C12orf42: variants seen among roughly 807,000 people sequenced by gnomAD.
C12orf42 encodes the protein uncharacterized protein C12orf42.
In C12orf42, 25 loss-of-function variants were observed where a neutral mutation model predicts 21.6. That is an observed-to-expected ratio of 1.16 (90% CI 0.84 to 1.62). The LOEUF (loss-of-function observed/expected upper bound fraction) is 1.62. Among genes scored for constraint, C12orf42 ranks in the 40% most tolerant of loss-of-function variants. The pLI, the probability that C12orf42 is intolerant of heterozygous loss-of-function variation, is 0.00. For synonymous variants in C12orf42, 174 were observed against 175.0 expected (o/e 0.99, Z 0.05); for missense variants, 483 against 459.3 (o/e 1.05, Z -0.47).
chr12:103,072,781 A>G, the C12orf42 span, among the ~76,000 whole-genome samples: 1 of 152,080 alleles, frequency 6.6e-6, no homozygotes, highest in African/African-American at 2.4e-5. Flanking sequence ...TTGTTTTTTG[A>G]CTTTTTAATA....
chr12:103,540,895 C>G, the C12orf42 span, among the ~76,000 whole-genome samples: 1 of 150,162 alleles, frequency 6.7e-6, no homozygotes, highest in African/African-American at 2.4e-5. Flanking sequence ...AATGAATTTT[C>G]TTTCTTTCTT....
At chr12:103,076,106 A>T in the C12orf42 span, among the ~76,000 whole-genome samples, 2 of 152,102 alleles carry the variant, frequency 1.3e-5, no homozygotes, top group Non-Finnish European at 2.9e-5. Flanking sequence ...GAGGGATAGT[A>T]TTAGAAGAAA....
the C12orf42 span, among the ~76,000 whole-genome samples, chr12:103,231,036 C>T: frequency 6.6e-6 from 1 of 152,246 alleles, no homozygotes; most frequent in African/African-American, 2.4e-5. Context: ...ATACCTATGA[C>T]ATATTTAGAA....
chr12:103,404,690 T>C (rs1250729422), intron 2 of C12orf42, among the ~76,000 whole-genome samples: 2 of 152,028 alleles, frequency 1.3e-5, no homozygotes, highest in Non-Finnish European at 2.9e-5. Context: ...AAGGCAAAAG[T>C]ATGGTATAAA....
the C12orf42 span, among the ~76,000 whole-genome samples, chr12:103,107,405 C>T: frequency 5.3e-5 from 8 of 151,672 alleles, no homozygotes; most frequent in Non-Finnish European, 1.2e-4. Flanking sequence ...CCCAGAAAAT[C>T]GAAATACACA....
At chr12:103,493,315 A>G (rs946241065) in intron 1 of C12orf42, among the ~76,000 whole-genome samples, 8 of 152,090 alleles carry the variant, frequency 5.3e-5, no homozygotes, top group African/African-American at 1.9e-4. Flanking sequence ...ACAATGTTTC[A>G]GCCACATCAG....
chr12:103,295,373 T>C (rs2037189130), intron 4 of C12orf42, among the ~76,000 whole-genome samples: 1 of 152,158 alleles, frequency 6.6e-6, no homozygotes, highest in African/African-American at 2.4e-5. Flanking sequence ...AATTGGAGGT[T>C]CTTCATGGAA....
chr12:103,301,011 T>C (rs2037612215), downstream of C12orf42, among the ~76,000 whole-genome samples: 1 of 152,110 alleles, frequency 6.6e-6, no homozygotes, highest in African/African-American at 2.4e-5. Flanking sequence ...ATGCTAATAA[T>C]AAAAAAAGTA....
At chr12:103,185,875 C>A in the C12orf42 span, among the ~76,000 whole-genome samples, 1 of 152,198 alleles carries the variant, frequency 6.6e-6, no homozygotes, top group African/African-American at 2.4e-5. Context: ...ACCTCTTTTT[C>A]TTTCCAGTTT....
the C12orf42 span, among the ~76,000 whole-genome samples, chr12:103,550,855 A>C: frequency 1.3e-5 from 2 of 152,098 alleles, no homozygotes; most frequent in Non-Finnish European, 2.9e-5. Context: ...TTATTAATTT[A>C]CACATTATGG....
At chr12:103,140,571 C>G in the C12orf42 span, among the ~76,000 whole-genome samples, 1 of 152,060 alleles carries the variant, frequency 6.6e-6, no homozygotes, top group East Asian at 1.9e-4. Context: ...TAATAGTCAA[C>G]AATCTCAAAA....
At chr12:103,358,826 C>A (rs1267816012) in intron 4 of C12orf42, among the ~76,000 whole-genome samples, 1 of 151,952 alleles carries the variant, frequency 6.6e-6, no homozygotes, top group African/African-American at 2.4e-5. Context: ...TCACTTGTTC[C>A]CCCCTACAAT....
At chr12:103,549,457 T>C in the C12orf42 span, 1 of 152,106 alleles carries the variant, frequency 6.6e-6, no homozygotes, top group Non-Finnish European at 1.5e-5. Context: ...ATGCACTTGT[T>C]TGTGTGTGTG....
chr12:103,099,655 AC>A, the C12orf42 span, among the ~76,000 whole-genome samples: 1 of 152,198 alleles, frequency 6.6e-6, no homozygotes, highest in Non-Finnish European at 1.5e-5. Flanking sequence ...TATTTTACTT[AC>A]TTAAAATATA....
At chr12:103,528,768 C>T in the C12orf42 span, among the ~76,000 whole-genome samples, 1 of 152,166 alleles carries the variant, frequency 6.6e-6, no homozygotes, top group African/African-American at 2.4e-5. Flanking sequence ...ACCCAGTTTC[C>T]AGTATTCCTT....
chr12:103,361,938 A>G (rs2044152668), intron 4 of C12orf42, among the ~76,000 whole-genome samples: 1 of 152,114 alleles, frequency 6.6e-6, no homozygotes, highest in South Asian at 2.1e-4. Context: ...AGCTGAAGAC[A>G]AAAAGCATAT....
the C12orf42 span, among the ~76,000 whole-genome samples, chr12:103,187,979 G>T: frequency 6.6e-6 from 1 of 152,194 alleles, no homozygotes; most frequent in Admixed American, 6.5e-5. Flanking sequence ...AATGTGTACT[G>T]CTTGCTACCT....
intron 4 of C12orf42, among the ~76,000 whole-genome samples, chr12:103,329,412 G>C (rs2041015330): frequency 6.6e-6 from 1 of 151,984 alleles, no homozygotes; most frequent in Admixed American, 6.6e-5. Context: ...GAGAGCATTG[G>C]GACAAATACC....
the C12orf42 span, among the ~76,000 whole-genome samples, chr12:103,540,828 T>C: frequency 3.0e-3 from 453 of 152,354 alleles, 2 homozygotes; most frequent in Non-Finnish European, 4.8e-3. Flanking sequence ...TTGTACTCTG[T>C]ATTTGCCTCA....
Sources: gnomAD v4.1 joint callset for allele counts (sites outside exome capture counted in the v4.1 genomes callset) on GRCh38, gnomAD v4.1.1 for gene constraint, MANE v1.5 for transcripts, NCBI Gene and HGNC (gene_info 2026-07-23, HGNC 2026-07-21) for gene names.